EYS: variants seen among roughly 807,000 people sequenced by gnomAD.
EYS encodes the protein EGF-like photoreceptor maintenance factor, also known as protein eyes shut homolog.
In EYS, 250 loss-of-function variants were observed where a neutral mutation model predicts 282.1. That is an observed-to-expected ratio of 0.89 (90% CI 0.80 to 0.98). The LOEUF (loss-of-function observed/expected upper bound fraction) is 0.98. Ranked by LOEUF, EYS falls within the 50% of genes least tolerant of loss-of-function variation. The probability of loss-of-function intolerance (pLI) is 0.00; values close to 1 mark genes in which losing one functional copy is unlikely to be tolerated. For synonymous variants in EYS, 1,355 were observed against 1,282.9 expected (o/e 1.06, Z -1.20); for missense variants, 4,016 against 3,709.0 (o/e 1.08, Z -2.15).
At chr6:65,247,973 C>A (rs557557188) in intron 12 of EYS, among the ~76,000 whole-genome samples, 1 of 151,924 alleles carries the variant, frequency 6.6e-6, no homozygotes, top group Admixed American at 6.6e-5. Flanking sequence ...CTGTATAATA[C>A]ATTAAAGACC....
chr6:64,048,396 C>T (rs74992650), intron 33 of EYS, among the ~76,000 whole-genome samples: 4,519 of 152,048 alleles, frequency 0.03, 219 homozygotes, highest in African/African-American at 0.093. Flanking sequence ...CTGCATGGCT[C>T]TGTGCTTGGG....
chr6:64,580,674 A>G (rs771763525), intron 26 of EYS, among the ~76,000 whole-genome samples: 2 of 152,204 alleles, frequency 1.3e-5, no homozygotes, highest in African/African-American at 2.4e-5. Context: ...AAATAGAGGA[A>G]AGAAAATAAT....
At chr6:65,167,031 A>C (rs566675253) in intron 12 of EYS, among the ~76,000 whole-genome samples, 1 of 151,266 alleles carries the variant, frequency 6.6e-6, no homozygotes, top group East Asian at 2.0e-4. Flanking sequence ...ACAATTAAAA[A>C]AAGATGTAAC....
chr6:64,312,733 G>A (rs559530657), intron 29 of EYS, among the ~76,000 whole-genome samples: 214 of 152,312 alleles, frequency 1.4e-3, no homozygotes, highest in Non-Finnish European at 2.7e-3. Context: ...TGATACCAAG[G>A]AAAACAGGAT....
At chr6:64,007,816 T>C (rs904481302) in intron 33 of EYS, among the ~76,000 whole-genome samples, 8 of 152,202 alleles carry the variant, frequency 5.3e-5, no homozygotes, top group Non-Finnish European at 5.9e-5. Flanking sequence ...TTTCTTAGCA[T>C]TGATTTCTAT....
chr6:64,611,934 A>T (rs1305089747), intron 24 of EYS, among the ~76,000 whole-genome samples: 1 of 152,250 alleles, frequency 6.6e-6, no homozygotes, highest in Non-Finnish European at 1.5e-5. Flanking sequence ...CTATTAGGAG[A>T]TAATAAATAT....
chr6:64,029,661 C>T (rs1325460448), intron 33 of EYS, among the ~76,000 whole-genome samples: 2 of 152,156 alleles, frequency 1.3e-5, no homozygotes, highest in African/African-American at 4.8e-5. Flanking sequence ...TGACTTTAAC[C>T]TATATACTGA....
intron 12 of EYS, among the ~76,000 whole-genome samples, chr6:65,248,636 G>GA (rs1034010341): frequency 6.6e-6 from 1 of 150,952 alleles, no homozygotes; most frequent in African/African-American, 2.4e-5. Context: ...TAGAATAAAA[G>GA]AAAAAATGAA....
At chr6:64,794,495 G>A (rs1205683207) in intron 22 of EYS, among the ~76,000 whole-genome samples, 1 of 152,112 alleles carries the variant, frequency 6.6e-6, no homozygotes, top group Non-Finnish European at 1.5e-5. Context: ...TGCCCACCAT[G>A]TGAAGATGTG....
intron 1 of EYS, among the ~76,000 whole-genome samples, chr6:65,700,031 C>T (rs938535076): frequency 2.2e-5 from 3 of 135,792 alleles, no homozygotes; most frequent in Non-Finnish European, 3.1e-5. Flanking sequence ...AGGAGAATGG[C>T]GTGAACCCGG....
intron 37 of EYS, among the ~76,000 whole-genome samples, chr6:63,804,565 C>A (rs945170583): frequency 1.3e-5 from 2 of 152,120 alleles, no homozygotes; most frequent in African/African-American, 4.8e-5. Flanking sequence ...AAGCATGCAC[C>A]AAACCTCTGA....
At chr6:65,639,959 C>T (rs922158179) in intron 1 of EYS, 67 bp from the exon 2 acceptor site, 3 of 152,102 alleles carry the variant, frequency 2.0e-5, no homozygotes, top group Admixed American at 6.5e-5. Flanking sequence ...CTAAGCTCTC[C>T]CACATCTTAT....
intron 28 of EYS, among the ~76,000 whole-genome samples, chr6:64,414,100 T>C (rs73764802): frequency 0.037 from 5,571 of 152,258 alleles, 318 homozygotes; most frequent in African/African-American, 0.13. Flanking sequence ...ACCCAGTTCA[T>C]AGTATTTTGT....
intron 29 of EYS, among the ~76,000 whole-genome samples, chr6:64,310,152 A>G (rs1299900223): frequency 6.6e-6 from 1 of 152,098 alleles, no homozygotes; most frequent in Non-Finnish European, 1.5e-5. Context: ...AAATTAGTCC[A>G]GCCATCGTGG....
chr6:64,581,683 T>C (rs1766073137), intron 26 of EYS, among the ~76,000 whole-genome samples: 1 of 152,162 alleles, frequency 6.6e-6, no homozygotes, highest in African/African-American at 2.4e-5. Flanking sequence ...CTGAAGCCAG[T>C]GGCTTGTATA....
intron 28 of EYS, among the ~76,000 whole-genome samples, chr6:64,389,104 T>C (rs896352057): frequency 2.0e-5 from 3 of 152,154 alleles, no homozygotes; most frequent in African/African-American, 7.2e-5. Flanking sequence ...TCTTTCTCAA[T>C]TGTAACTGAA....
intron 30 of EYS, among the ~76,000 whole-genome samples, chr6:64,283,510 T>A (rs1768384922): frequency 6.6e-6 from 1 of 152,160 alleles, no homozygotes; most frequent in Non-Finnish European, 1.5e-5. Flanking sequence ...GAATAAATGA[T>A]TAGATGACTG....
chr6:65,636,324 T>A (rs1767086965), intron 2 of EYS, among the ~76,000 whole-genome samples: 1 of 152,230 alleles, frequency 6.6e-6, no homozygotes, highest in South Asian at 2.1e-4. Flanking sequence ...ATGACCTCAA[T>A]TCATATTATA....
chr6:63,824,725 G>T (rs925940132), intron 36 of EYS, among the ~76,000 whole-genome samples: 15 of 152,128 alleles, frequency 9.9e-5, no homozygotes, highest in African/African-American at 3.6e-4. Context: ...TGAAATACAG[G>T]GGTAGAGGAA....
Sources: gnomAD v4.1 joint callset for allele counts (sites outside exome capture counted in the v4.1 genomes callset) on GRCh38, gnomAD v4.1.1 for gene constraint, MANE v1.5 for transcripts, NCBI Gene and HGNC (gene_info 2026-07-23, HGNC 2026-07-21) for gene names.